The following TENM2 variants were observed in gnomAD, a reference collection of about 807,000 sequenced individuals.
TENM2 encodes the protein teneurin-2.
A neutral mutation model predicts 245.2 loss-of-function variants in TENM2; 52 were observed. The observed-to-expected ratio is 0.21, with a 90% CI of 0.17 to 0.27. The LOEUF is 0.27. Among genes scored for constraint, TENM2 ranks in the 10% least tolerant of loss-of-function variants. The probability of loss-of-function intolerance (pLI) is 1.00; values close to 1 mark genes in which losing one functional copy is unlikely to be tolerated. For missense variants in TENM2, 3,046 were observed against 3,666.8 expected (o/e 0.83, Z 4.37); for synonymous variants, 1,363 against 1,438.9 (o/e 0.95, Z 1.19).
chr5:168,093,258 C>T (rs1581274481), intron 8 of TENM2, among the ~76,000 whole-genome samples: 1 of 152,198 alleles, frequency 6.6e-6, no homozygotes, highest in East Asian at 1.9e-4. Context: ...TTCCCCCAGG[C>T]CATCACTCAC....
chr5:167,229,356 C>G, the TENM2 span, among the ~76,000 whole-genome samples: 3 of 152,204 alleles, frequency 2.0e-5, no homozygotes, highest in Non-Finnish European at 4.4e-5. Context: ...ATTCTTGGTC[C>G]TCTAGATAGC....
intron 13 of TENM2, among the ~76,000 whole-genome samples, chr5:168,170,083 G>T (rs1322494265): frequency 1.3e-5 from 2 of 152,220 alleles, no homozygotes; most frequent in Non-Finnish European, 2.9e-5. Context: ...GGGATCTGAA[G>T]TTATTCTGGC....
chr5:167,275,507 A>G, the TENM2 span, among the ~76,000 whole-genome samples: 1 of 152,042 alleles, frequency 6.6e-6, no homozygotes, highest in Non-Finnish European at 1.5e-5. Flanking sequence ...ATGTCTCTCC[A>G]TTTATTTAGA....
At chr5:168,113,142 C>A (rs1434946652) in intron 9 of TENM2, among the ~76,000 whole-genome samples, 1 of 151,930 alleles carries the variant, frequency 6.6e-6, no homozygotes, top group African/African-American at 2.4e-5. Context: ...CATAAAGAGA[C>A]CCCGTCTCTA....
chr5:167,172,308 C>T, the TENM2 span, among the ~76,000 whole-genome samples: 4 of 152,176 alleles, frequency 2.6e-5, no homozygotes, highest in East Asian at 3.9e-4. Flanking sequence ...TCCAGAAATC[C>T]GTGTGATCTA....
At chr5:167,583,473 TACACACACACACACACAC>T (rs10682735) in intron 2 of TENM2, among the ~76,000 whole-genome samples, 1 of 137,460 alleles carries the variant, frequency 7.3e-6, no homozygotes, top group African/African-American at 2.8e-5. Context: ...TGAGTATATG[TACACACACACACACACAC>T]ACACACACAC....
intron 23 of TENM2, among the ~76,000 whole-genome samples, chr5:168,219,842 A>AAAAAAAC (rs1763511049): frequency 6.6e-6 from 1 of 151,362 alleles, no homozygotes. Flanking sequence ...AAAAAAAAAA[A>AAAAAAAC]AAAAAAAGCG....
At chr5:167,846,239 T>C (rs1770029337) in intron 2 of TENM2, among the ~76,000 whole-genome samples, 1 of 152,212 alleles carries the variant, frequency 6.6e-6, no homozygotes, top group South Asian at 2.1e-4. Flanking sequence ...TTTCCTTGTG[T>C]CTGGCACTGC....
intron 2 of TENM2, among the ~76,000 whole-genome samples, chr5:167,535,620 G>A (rs2127597495): frequency 6.6e-6 from 1 of 152,294 alleles, no homozygotes; most frequent in South Asian, 2.1e-4. Flanking sequence ...GGGGAAACTA[G>A]CTTTGGCCCT....
At chr5:167,370,967 A>G (rs140783063) in intron 1 of TENM2, among the ~76,000 whole-genome samples, 106 of 152,358 alleles carry the variant, frequency 7.0e-4, no homozygotes, top group African/African-American at 2.4e-3. Flanking sequence ...CCCATCGATG[A>G]GCAAAGTAAG....
intron 23 of TENM2, among the ~76,000 whole-genome samples, chr5:168,224,064 A>G (rs578218581): frequency 6.6e-6 from 1 of 152,336 alleles, no homozygotes; most frequent in South Asian, 2.1e-4. Context: ...TGGATAGATC[A>G]TCAGTTATTT....
chr5:167,827,872 C>T (rs1204793782), intron 2 of TENM2, among the ~76,000 whole-genome samples: 1 of 152,128 alleles, frequency 6.6e-6, no homozygotes, highest in Non-Finnish European at 1.5e-5. Flanking sequence ...TGGAATCCCT[C>T]TTCCCCTGCT....
chr5:167,807,124 TAAAAAAAAA>T (rs1178739925), intron 2 of TENM2, among the ~76,000 whole-genome samples: 293 of 49,094 alleles, frequency 6.0e-3, no homozygotes, highest in African/African-American at 0.022. Context: ...GCCCCTAGGT[TAAAAAAAAA>T]AAAAAAAAAA....
Position 167,932,113 on chromosome 5 carries a change from G to A in TENM2, c.713-20475G>A, listed in dbSNP as rs572325945. Among the ~76,000 whole-genome samples, 7 of 152,310 alleles carry A rather than the reference G, an allele frequency of 4.6e-5. No individual in the cohort carries two copies. In the South Asian group the frequency reaches 8.3e-4, roughly 18 times the overall value. ...CGGGAGTCTGACTGCAGGTGCAGGA[G>A]GGGGAGAGAGTGTTAACTTCTGTGA... On this transcript the variant is annotated intron_variant, in intron 3 of 28. Transcript: ENST00000518659.
At chr5:167,606,913 G>A (rs1175233311) in intron 2 of TENM2, among the ~76,000 whole-genome samples, 1 of 152,142 alleles carries the variant, frequency 6.6e-6, no homozygotes, top group Non-Finnish European at 1.5e-5. Flanking sequence ...TTGATGAGCA[G>A]CTTCAGGTGA....
the TENM2 span, among the ~76,000 whole-genome samples, chr5:167,063,913 C>T: frequency 6.6e-6 from 1 of 152,146 alleles, no homozygotes; most frequent in African/African-American, 2.4e-5. Context: ...AACTTTTTCT[C>T]CCTATTAAAT....
chr5:167,543,582 G>A lies in TENM2; in HGVS notation c.502+168109G>A, dbSNP rs79905636. Among the ~76,000 whole-genome samples, 501 of 152,154 alleles carry A rather than the reference G, an allele frequency of 3.3e-3. 23 individuals carry two copies. In the South Asian group the frequency reaches 0.08, roughly 24 times the overall value. On this transcript the variant is annotated intron_variant, in intron 2 of 28. Coordinates refer to ENST00000518659, the Ensembl canonical transcript of TENM2. ...TGCAAAAACAATGCCTATTTTATCC[G>A]TTTTATAGAGCAACTGCAACAAAGT...
chr5:167,547,376 G>A (rs1018806856), intron 2 of TENM2, among the ~76,000 whole-genome samples: 7 of 152,170 alleles, frequency 4.6e-5, no homozygotes, highest in Non-Finnish European at 1.0e-4. Context: ...CGGCCTTGGC[G>A]GTGGAATGTG....
intron 2 of TENM2, among the ~76,000 whole-genome samples, chr5:167,514,064 C>T (rs756028923): frequency 2.0e-5 from 3 of 152,170 alleles, no homozygotes; most frequent in Non-Finnish European, 4.4e-5. Context: ...CTAGAAAGCA[C>T]GCAGTACAAA....
Sources: gnomAD v4.1 joint callset for allele counts (sites outside exome capture counted in the v4.1 genomes callset) on GRCh38, gnomAD v4.1.1 for gene constraint, MANE v1.5 for transcripts, NCBI Gene and HGNC (gene_info 2026-07-23, HGNC 2026-07-21) for gene names.